GCC2: variants seen among roughly 807,000 people sequenced by gnomAD.
The protein encoded by GCC2 is GRIP and coiled-coil domain containing 2.
A neutral mutation model predicts 210.6 loss-of-function variants in GCC2; 120 were observed. That is an observed-to-expected ratio of 0.57 (90% CI 0.49 to 0.66). GCC2 has a LOEUF of 0.66. GCC2 is among the 30% of genes least tolerant of loss of function. The pLI is 0.00. For missense variants in GCC2, 1,868 were observed against 1,871.9 expected (o/e 1.00, Z 0.04); for synonymous variants, 703 against 652.7 (o/e 1.08, Z -1.17).
intron 9 of GCC2, among the ~76,000 whole-genome samples, chr2:108,479,907 G>A (rs146473788): frequency 1.3e-4 from 19 of 148,522 alleles, no homozygotes; most frequent in African/African-American, 3.5e-4. Context: ...ATTGGAACGC[G>A]AGAGGCGAAG....
rs1190032468 is a variant in GCC2 at position 108,483,095 on chromosome 2, C to G, written c.3379C>G (p.Leu1127Val). Residue 1127 changes from leucine (L) to valine (V), a missense_variant, in exon 12 of 23, where the codon CTT (leucine) becomes GTT (valine). Transcript: ENST00000309863. ...CACTACTGTAAATGAACTTGAAGAA[C>G]TTCAGGTACAACTTCAAAAGCAAAA... ...HATTVNELEE[L>V]QVQLQKQKKQ... 1.3e-6 allele frequency: 2 copies of G among 1,592,824 alleles called. No individual in the cohort carries two copies. Among genetic ancestry groups the G allele is most frequent in the African/African-American group, 1.3e-5 (1 of 74,428 alleles).
chr2:108,479,980 CAAAAAAAA>C (rs200934785), intron 9 of GCC2, among the ~76,000 whole-genome samples: 4 of 114,536 alleles, frequency 3.5e-5, no homozygotes, highest in Non-Finnish European at 5.5e-5. Flanking sequence ...GACTCCATCT[CAAAAAAAA>C]AAAAAAAAAA....
At chr2:108,461,986 C>G (rs1450059236) in intron 4 of GCC2, among the ~76,000 whole-genome samples, 2 of 137,930 alleles carry the variant, frequency 1.5e-5, no homozygotes, top group African/African-American at 2.5e-5. Flanking sequence ...GCGCCCACCA[C>G]CGCCCCCAGC....
intron 22 of GCC2, 76 bp from the exon 23 acceptor site, chr2:108,507,484 A>G (rs112950575): frequency 1.7e-5 from 20 of 1,171,224 alleles, no homozygotes; most frequent in Non-Finnish European, 2.1e-5. Flanking sequence ...TCTAAAATAT[A>G]GATTTTACAT....
Position 108,471,061 on chromosome 2 carries a change from A to T in GCC2, c.1732A>T (p.Arg578Ter). ...AGTATACTTACTTAGTCTCAGTCAA[A>T]GAGATACCATGTTAAAAGAATTAGA... ...NGVYLLSLSQ[R>*]DTMLKELEGK... The change falls in exon 6 of 23, where the codon AGA becomes TGA. Residue 578 changes from arginine (R) to a stop codon, truncating the protein, a stop_gained. Coordinates refer to ENST00000309863, the MANE Select transcript of GCC2 (RefSeq NM_181453.4). LOFTEE classifies it high-confidence loss of function. 6.3e-7 allele frequency: 1 copy of T among 1,587,982 alleles called. No individual in the cohort carries two copies. The highest frequency in any genetic ancestry group is 8.6e-7 in the Non-Finnish European group (1 of 1,159,708).
rs767509179 is a variant in GCC2, at chr2:108,495,351, C to T, written c.4508C>T (p.Pro1503Leu). 12 of 1,576,296 alleles carry T rather than the reference C, an allele frequency of 7.6e-6. No homozygotes were observed. The highest frequency in any genetic ancestry group is 1.1e-5 in the South Asian group (1 of 89,888). ...NLRERRNTDLPLLDMHTVTRE... is the reference protein window; with the variant it reads ...NLRERRNTDLLLLDMHTVTRE... ...CGAGAAAGGAGAAACACAGACCTCC[C>T]GCTTCTAGACATGCACACTGTAACC... Residue 1503 changes from proline to leucine, a missense_variant, in exon 20 of 23, where the codon CCG (proline) becomes CTG (leucine). Transcript: ENST00000309863.
chr2:108,455,615 G>C (rs1177617379), intron 4 of GCC2, among the ~76,000 whole-genome samples: 2 of 151,774 alleles, frequency 1.3e-5, no homozygotes, highest in Admixed American at 1.3e-4. Flanking sequence ...TCCACAGCCA[G>C]GTATTTATCA....
intron 22 of GCC2, among the ~76,000 whole-genome samples, chr2:108,504,431 T>G (rs1683085619): frequency 6.6e-6 from 1 of 152,158 alleles, no homozygotes; most frequent in Non-Finnish European, 1.5e-5. Context: ...AACTTAAATT[T>G]CAAGCAGATG....
intron 4 of GCC2, among the ~76,000 whole-genome samples, chr2:108,466,747 C>T (rs1326981575): frequency 2.6e-5 from 4 of 152,094 alleles, no homozygotes; most frequent in Non-Finnish European, 5.9e-5. Flanking sequence ...GCTGGGATTA[C>T]AGGCATGAGC....
chr2:108,463,650 T>G lies in GCC2; in HGVS notation c.217-5330T>G, dbSNP rs2104431991. The stretch of plus-strand genomic sequence containing the variant: ...CAGAGTGTGTCTGCTGGCACCAGTG[T>G]TAGCAGGCCAATTCTTGAGCCTCCA... On this transcript the variant is annotated intron_variant, in intron 4 of 22. Transcript: ENST00000309863. Among the ~76,000 whole-genome samples the G allele has an allele frequency of 2.0e-5, 3 of 152,320 alleles. No individual in the cohort carries two copies. The South Asian group carries it at 6.2e-4, about 32-fold the overall frequency.
Position 108,482,439 on chromosome 2 carries a change from A to G in GCC2, c.3333A>G (p.Glu1111=), listed in dbSNP as rs770339104. The change falls in exon 11 of 23, where the codon GAA becomes GAG. Residue 1111 remains glutamate (E), a synonymous_variant. Transcript: ENST00000309863. ...TAGAAGCTGAAAAACTTCAGAAAGA[A>G]CAGAAGATAAAGGTAAAAACAATCC... The part of the protein sequence containing the change: ...KELEAEKLQK[E]QKIKEHATTV... 1.3e-6 allele frequency: 2 copies of G among 1,539,432 alleles called. No individual in the cohort carries two copies. The highest frequency in any genetic ancestry group is 1.7e-5 in the Admixed American group (1 of 57,678).
At chr2:108,495,237 A>G (rs541367636) in intron 19 of GCC2, 54 bp from the exon 20 acceptor site, 228 of 1,162,536 alleles carry the variant, frequency 2.0e-4, no homozygotes, top group African/African-American at 9.3e-4. Flanking sequence ...CTGTAAGGCC[A>G]AATCAATAGA....
At position 108,467,937 on chromosome 2, in the gene GCC2, T is replaced by G. The variant is rs1295288974; in HGVS notation, c.217-1043T>G. 4.6e-5 allele frequency among the ~76,000 whole-genome samples: 7 copies of G among 152,238 alleles called. No individual in the cohort carries two copies. The East Asian group carries it at 1.3e-3, about 29-fold the overall frequency. ...TGGACAATTTTTAACTATTTGATTT[T>G]TAAATATAGTATTATGCTTCTTAAA... On this transcript the variant is annotated intron_variant, in intron 4 of 22. Coordinates refer to ENST00000309863, the MANE Select transcript of GCC2 (RefSeq NM_181453.4).
chr2:108,491,705 G>C (rs1239190809), intron 18 of GCC2, among the ~76,000 whole-genome samples: 1 of 151,846 alleles, frequency 6.6e-6, no homozygotes, highest in African/African-American at 2.4e-5. Flanking sequence ...TTTCTCTGAC[G>C]GCTTTTGTAT....
intron 18 of GCC2, 69 bp downstream of exon 18, chr2:108,490,083 G>A: frequency 2.8e-6 from 3 of 1,085,852 alleles, no homozygotes; most frequent in Admixed American, 3.0e-5. Flanking sequence ...CTTCTAATAT[G>A]TTGATCCTTG....
chr2:108,492,824 A>G, intron 19 of GCC2, 34 bp downstream of exon 19: 4 of 1,417,888 alleles, frequency 2.8e-6, no homozygotes, highest in South Asian at 2.3e-5. Flanking sequence ...TTAGTTGTTC[A>G]TGTTTTCATG....
rs908413984 is a variant in GCC2 at position 108,508,462 on chromosome 2, C to T, written c.*832C>T. ...AACACTGACTATGAGTAGGTGGGCCCACACTTGAGTTGAGGTGATTTCATG... is the reference window on the plus strand; with the variant it reads ...AACACTGACTATGAGTAGGTGGGCCTACACTTGAGTTGAGGTGATTTCATG... On this transcript the variant is annotated 3_prime_UTR_variant, in exon 23 of 23. Transcript: ENST00000309863. The T allele has an allele frequency of 0.095, 4 of 42 alleles. No individual in the cohort carries two copies. Among genetic ancestry groups the T allele is most frequent in the Admixed American group, 0.25 (1 of 4 alleles). The allele number at this position is 42 out of a possible 1,614,324, so 0.0% of individuals were successfully genotyped here.
At chr2:108,459,778 T>TTA (rs1334925204) in intron 4 of GCC2, among the ~76,000 whole-genome samples, 1 of 121,362 alleles carries the variant, frequency 8.2e-6, no homozygotes, top group Non-Finnish European at 1.7e-5. Context: ...TTTTTTTTTT[T>TTA]ACTATTTTTG....
At chr2:108,472,687 T>C (rs748575473) in intron 6 of GCC2, 140 bp from the exon 7 acceptor site, 21 of 608,666 alleles carry the variant, frequency 3.5e-5, no homozygotes, top group Non-Finnish European at 5.1e-5. Flanking sequence ...GAAAATCTGT[T>C]GACCAAATTG....
Sources: allele counts gnomAD v4.1 joint callset (sites outside exome capture counted in the v4.1 genomes callset), GRCh38; gene constraint gnomAD v4.1.1; transcripts MANE v1.5; gene names NCBI Gene and HGNC (gene_info 2026-07-23, HGNC 2026-07-21).